The following SLC39A11 variants were observed in gnomAD, a reference collection of about 807,000 sequenced individuals.
The protein encoded by SLC39A11 is zinc transporter ZIP11.
In SLC39A11, 33 loss-of-function variants were observed where a neutral mutation model predicts 36.1. That is an observed-to-expected ratio of 0.91 (90% CI 0.69 to 1.22). The LOEUF is 1.22. Among genes scored for constraint, SLC39A11 ranks in the 50% most tolerant of loss-of-function variants. SLC39A11 has a pLI of 0.00. For missense variants in SLC39A11, 432 were observed against 430.3 expected (o/e 1.00, Z -0.03); for synonymous variants, 166 against 170.3 (o/e 0.97, Z 0.20).
chr17:72,775,462 C>T (rs1296275131), intron 6 of SLC39A11, among the ~76,000 whole-genome samples: 1 of 152,146 alleles, frequency 6.6e-6, no homozygotes, highest in Non-Finnish European at 1.5e-5. Flanking sequence ...GTGCAGGGCA[C>T]AACTAGACAA....
At chr17:72,789,173 T>C (rs1252083808) in intron 6 of SLC39A11, among the ~76,000 whole-genome samples, 1 of 152,064 alleles carries the variant, frequency 6.6e-6, no homozygotes, top group Non-Finnish European at 1.5e-5. Flanking sequence ...CAGCTGAGAC[T>C]ACACGCGCAC....
chr17:72,875,439 C>T (rs1490431532), intron 5 of SLC39A11, among the ~76,000 whole-genome samples: 2 of 152,138 alleles, frequency 1.3e-5, no homozygotes, highest in African/African-American at 2.4e-5. Flanking sequence ...TCCCAGGAAG[C>T]CAGCGGGATT....
intron 6 of SLC39A11, among the ~76,000 whole-genome samples, chr17:72,770,567 C>T (rs945219668): frequency 7.2e-5 from 11 of 152,322 alleles, no homozygotes; most frequent in African/African-American, 1.4e-4. Flanking sequence ...CAGACCTGCA[C>T]GGCAGTCTGC....
intron 3 of SLC39A11, among the ~76,000 whole-genome samples, chr17:73,050,175 A>G (rs1269647932): frequency 6.6e-6 from 1 of 151,786 alleles, no homozygotes; most frequent in Non-Finnish European, 1.5e-5. Flanking sequence ...AACAGTGTGG[A>G]CTCCATTTGA....
intron 4 of SLC39A11, among the ~76,000 whole-genome samples, chr17:72,997,047 C>T (rs1223398820): frequency 6.6e-6 from 1 of 152,116 alleles, no homozygotes; most frequent in Non-Finnish European, 1.5e-5. Context: ...CAGCTGACCC[C>T]CAGCTGATCC....
intron 5 of SLC39A11, among the ~76,000 whole-genome samples, chr17:72,875,551 C>T (rs193138893): frequency 6.6e-6 from 1 of 152,292 alleles, no homozygotes; most frequent in East Asian, 1.9e-4. Flanking sequence ...ACAATCTGTC[C>T]ACCCTTCCCT....
chr17:73,060,624 A>G (rs533276923), intron 3 of SLC39A11, among the ~76,000 whole-genome samples: 1 of 152,324 alleles, frequency 6.6e-6, no homozygotes, highest in South Asian at 2.1e-4. Flanking sequence ...GAAAGCCTCA[A>G]AGGATACATC....
rs554291729 is a variant in SLC39A11 at position 72,895,415 on chromosome 17, C to A, written c.431-45611G>T. Among the ~76,000 whole-genome samples the A allele has an allele frequency of 9.2e-5, 14 of 152,222 alleles. No homozygotes were observed. In the East Asian group the frequency reaches 2.5e-3, roughly 27 times the overall value. On this transcript the variant is annotated intron_variant, in intron 5 of 9. Coordinates refer to ENST00000255559, the MANE Select transcript of SLC39A11 (RefSeq NM_139177.4). ...CCAACATGGTGAAACCTCATCTCTA[C>A]TAAAAACACAAAAATCAGCTGGGCA...
intron 3 of SLC39A11, among the ~76,000 whole-genome samples, chr17:73,051,985 G>C (rs1455765622): frequency 5.9e-5 from 9 of 151,606 alleles, no homozygotes; most frequent in Admixed American, 5.9e-4. Flanking sequence ...CACCTCTATG[G>C]GCCTCAGTTT....
chr17:72,771,180 C>T (rs1300028969), intron 6 of SLC39A11, among the ~76,000 whole-genome samples: 1 of 151,838 alleles, frequency 6.6e-6, no homozygotes, highest in East Asian at 1.9e-4. Context: ...AGGTCAGGAG[C>T]TCAAGACCAG....
chr17:73,087,094 C>T (rs1051117877), intron 2 of SLC39A11, among the ~76,000 whole-genome samples: 3 of 151,946 alleles, frequency 2.0e-5, no homozygotes, highest in African/African-American at 7.2e-5. Flanking sequence ...AACCCTGAAA[C>T]TCTGTACTCA....
chr17:72,792,444 A>G (rs2076741093), intron 6 of SLC39A11, among the ~76,000 whole-genome samples: 1 of 152,212 alleles, frequency 6.6e-6, no homozygotes, highest in Non-Finnish European at 1.5e-5. Context: ...GGGTGGGAAG[A>G]AATCTAGCCA....
At chr17:72,949,642 G>A (rs2466524) in intron 4 of SLC39A11, among the ~76,000 whole-genome samples, 86,817 of 151,152 alleles carry the variant, frequency 0.57, 26,606 homozygotes, top group Admixed American at 0.68. Context: ...CCACTCATGA[G>A]GGTTCTACCC....
At chr17:72,786,005 C>G (rs537586331) in intron 6 of SLC39A11, among the ~76,000 whole-genome samples, 11 of 152,320 alleles carry the variant, frequency 7.2e-5, no homozygotes, top group African/African-American at 2.6e-4. Context: ...TTCACCTTGA[C>G]AGATGAGATT....
At chr17:72,875,048 C>T (rs560080803) in intron 5 of SLC39A11, among the ~76,000 whole-genome samples, 8 of 151,778 alleles carry the variant, frequency 5.3e-5, no homozygotes, top group Non-Finnish European at 8.8e-5. Flanking sequence ...AAACACAGCA[C>T]GAGAGAAACA....
intron 6 of SLC39A11, among the ~76,000 whole-genome samples, chr17:72,791,930 T>A (rs184302023): frequency 6.6e-6 from 1 of 152,320 alleles, no homozygotes; most frequent in Admixed American, 6.5e-5. Flanking sequence ...CTTTCCTTTA[T>A]AAATTACCCA....
chr17:73,038,635 A>T (rs985332643), intron 3 of SLC39A11, among the ~76,000 whole-genome samples: 4 of 151,380 alleles, frequency 2.6e-5, no homozygotes, highest in African/African-American at 9.7e-5. Context: ...TGAACCCAGG[A>T]GGCAGAGATT....
At chr17:72,941,144 A>C (rs1820165697) in intron 5 of SLC39A11, among the ~76,000 whole-genome samples, 2 of 151,808 alleles carry the variant, frequency 1.3e-5, no homozygotes, top group South Asian at 4.1e-4. Flanking sequence ...GTGGTGGCGC[A>C]CTCCTGTAGT....
At chr17:72,685,548 G>T (rs890046819) in intron 7 of SLC39A11, among the ~76,000 whole-genome samples, 3 of 152,252 alleles carry the variant, frequency 2.0e-5, no homozygotes, top group Non-Finnish European at 4.4e-5. Context: ...AGCCCCAAAA[G>T]GATTCATCTC....
Sources: gnomAD v4.1 joint callset for allele counts (sites outside exome capture counted in the v4.1 genomes callset) on GRCh38, gnomAD v4.1.1 for gene constraint, MANE v1.5 for transcripts, NCBI Gene and HGNC (gene_info 2026-07-23, HGNC 2026-07-21) for gene names.